GAD1: variants seen among roughly 807,000 people sequenced by gnomAD.
GAD1 encodes the protein glutamate decarboxylase 1.
Under a neutral mutation model 75.2 loss-of-function variants are expected in GAD1, and 35 were observed. That is an observed-to-expected ratio of 0.47 (90% CI 0.36 to 0.62). The LOEUF is 0.62. Among genes scored for constraint, GAD1 ranks in the 20% least tolerant of loss-of-function variants. The pLI, the probability that GAD1 is intolerant of heterozygous loss-of-function variation, is 0.00. For synonymous variants in GAD1, 257 were observed against 271.9 expected (o/e 0.95, Z 0.54); for missense variants, 490 against 758.5 (o/e 0.65, Z 4.16).
At chr2:170,813,974 A>C (rs2105740906), upstream of GAD1, among the ~76,000 whole-genome samples, 1 of 152,234 alleles carries the variant, frequency 6.6e-6, no homozygotes, top group East Asian at 1.9e-4. Context: ...CTTCAAATAC[A>C]ATCGAAACAG....
chr2:170,854,653 C>T lies in GAD1; in HGVS notation c.1413+631C>T, dbSNP rs1375117454. 2.0e-5 allele frequency among the ~76,000 whole-genome samples: 3 copies of T among 152,226 alleles called. No homozygotes were observed. In the East Asian group the frequency reaches 5.8e-4, roughly 29 times the overall value. On this transcript the variant is annotated intron_variant, in intron 14 of 16. Coordinates refer to ENST00000358196, the MANE Select transcript of GAD1 (RefSeq NM_000817.3). ...GTCTCCTGACCTCATGATCCGCCCA[C>T]CTCGGCCTCCCAAAGTGTTGGGATT...
At chr2:170,842,876 A>C (rs934235661) in intron 6 of GAD1, 16 of 673,334 alleles carry the variant, frequency 2.4e-5, no homozygotes, top group African/African-American at 3.7e-5. Flanking sequence ...GTAAAACAAT[A>C]GTTATCTCAT....
Position 170,853,667 on chromosome 2 carries a change from A to G in GAD1, c.1264-206A>G. The G allele has an allele frequency of 1.8e-6, 1 of 570,672 alleles. No homozygotes were observed. Among genetic ancestry groups the G allele is most frequent in the Non-Finnish European group, 3.2e-6 (1 of 315,198 alleles). The allele number at this position is 570,672 out of a possible 1,614,324, so 35.4% of individuals were successfully genotyped here. On this transcript the variant is annotated intron_variant, in intron 13 of 16. Coordinates refer to ENST00000358196, the MANE Select transcript of GAD1 (RefSeq NM_000817.3). The surrounding 1 kb of genome is among the most constrained non-coding windows in gnomAD (Gnocchi z 4.1). ...TCTGAGACGGAAAGATCATCTTCTAATCAGAGAGTCAGAGACAAAAGGGAT... is the reference window on the plus strand; with the variant it reads ...TCTGAGACGGAAAGATCATCTTCTAGTCAGAGAGTCAGAGACAAAAGGGAT...
chr2:170,848,871 G>C, intron 11 of GAD1: 3 of 496,358 alleles, frequency 6.0e-6, no homozygotes, highest in South Asian at 1.5e-5. Context: ...TGCTTTTTGA[G>C]TTTTTCAGGA....
intron 3 of GAD1, among the ~76,000 whole-genome samples, chr2:170,828,492 GC>G (rs1702101921): frequency 3.3e-5 from 4 of 121,746 alleles, no homozygotes; most frequent in African/African-American, 1.3e-4. Flanking sequence ...TCCTCCCTCT[GC>G]TGTCCTTGAT....
chr2:170,848,618 G>A (rs1182057774), intron 11 of GAD1: 1 of 489,146 alleles, frequency 2.0e-6, no homozygotes, highest in Admixed American at 2.2e-5. Context: ...GAACACAAAA[G>A]ATGCATTTTC....
chr2:170,820,279 G>A (rs868648875), intron 2 of GAD1, among the ~76,000 whole-genome samples: 9 of 152,318 alleles, frequency 5.9e-5, no homozygotes, highest in East Asian at 5.8e-4. Flanking sequence ...CCAAGTCACC[G>A]GTAGGAGACA....
chr2:170,828,368 C>A (rs1702093511), intron 3 of GAD1, among the ~76,000 whole-genome samples: 1 of 144,858 alleles, frequency 6.9e-6, no homozygotes, highest in Non-Finnish European at 1.5e-5. Context: ...CATCCCCTTC[C>A]CTCTGCTGTC....
intron 2 of GAD1, 57 bp from the exon 3 acceptor site, chr2:170,822,030 A>G (rs1701894351): frequency 1.4e-6 from 2 of 1,428,424 alleles, no homozygotes. Flanking sequence ...TCCTCCACCC[A>G]TTTCCCCGCG....
chr2:170,828,074 CTCTGCTGT>C (rs1702068101), intron 3 of GAD1, among the ~76,000 whole-genome samples: 1 of 30,518 alleles, frequency 3.3e-5, no homozygotes. Flanking sequence ...GCTGTCCTCC[CTCTGCTGT>C]CCTCACCCCT....
At position 170,818,952 on chromosome 2, in the gene GAD1, T is replaced by C. The variant is rs1390781761; in HGVS notation, c.82+279T>C. Among the ~76,000 whole-genome samples the C allele has an allele frequency of 1.3e-5, 2 of 152,050 alleles. No individual in the cohort carries two copies. The highest frequency in any genetic ancestry group is 2.9e-5 in the Non-Finnish European group (2 of 68,000). ...GGAGGGGCGCGCAGCCAGGGTGTTG[T>C]TTTTATTCTGTTGTGTGTGGTTTCT... is the stretch of plus-strand genomic sequence containing the variant. On this transcript the variant is annotated intron_variant, in intron 2 of 16. Coordinates refer to ENST00000358196, the MANE Select transcript of GAD1 (RefSeq NM_000817.3). The surrounding 1 kb of genome is among the most constrained non-coding windows in gnomAD (Gnocchi z 5.9).
At chr2:170,822,488 C>T (rs1303111159) in intron 3 of GAD1, among the ~76,000 whole-genome samples, 1 of 152,254 alleles carries the variant, frequency 6.6e-6, no homozygotes, top group African/African-American at 2.4e-5. Context: ...GCAGCTCCCA[C>T]CCGGTGCCGT....
chr2:170,849,106 T>C (rs1702698216), intron 11 of GAD1, 180 bp from the exon 12 acceptor site: 1 of 677,696 alleles, frequency 1.5e-6, no homozygotes, highest in Admixed American at 2.1e-5. Context: ...GAAAAAGAAA[T>C]GACAAGCAAT....
chr2:170,819,291 G>GAAATAAATAAATAAATAAAT lies in GAD1; in HGVS notation c.82+624_82+643dup, dbSNP rs3838553. 2.0e-4 allele frequency among the ~76,000 whole-genome samples: 30 copies of GAAATAAATAAATAAATAAAT among 149,776 alleles called. No homozygotes were observed. In the Middle Eastern group the frequency reaches 0.01, roughly 51 times the overall value. The stretch of plus-strand genomic sequence containing the variant: ...TTCATACAATTAATTACATCTCAGA[G>GAAATAAATAAATAAATAAAT]AAATAAATAAATAAATAAATAAATA... On this transcript the variant is annotated intron_variant, in intron 2 of 16. Coordinates refer to ENST00000358196, the MANE Select transcript of GAD1 (RefSeq NM_000817.3).
At chr2:170,849,247 C>T (rs755949817) in intron 11 of GAD1, 39 bp from the exon 12 acceptor site, 7 of 1,576,284 alleles carry the variant, frequency 4.4e-6, no homozygotes, top group South Asian at 1.1e-5. Context: ...TCTTAAATGT[C>T]ACTGCTCCCC....
chr2:170,842,675 C>T, intron 6 of GAD1: 1 of 1,613,538 alleles, frequency 6.2e-7, no homozygotes, highest in Non-Finnish European at 8.5e-7. Context: ...ACATGGTTTC[C>T]AAGGGTCTTC....
At chr2:170,856,443 G>A (rs984035277) in intron 14 of GAD1, among the ~76,000 whole-genome samples, 21 of 152,240 alleles carry the variant, frequency 1.4e-4, no homozygotes, top group Admixed American at 1.2e-3. Flanking sequence ...ACTTACTGCT[G>A]GGGAAGATGA....
At position 170,818,057 on chromosome 2, in the gene GAD1, C is replaced by A. The variant is rs538816333; in HGVS notation, c.-63-472C>A. ...AGACACAACAACGGGAACCAGACAC[C>A]GAACCAGACATGCCCGCCCCGTGCG... On this transcript the variant is annotated intron_variant, in intron 1 of 16. Transcript: ENST00000358196. This position sits in a 1 kb window ranked among gnomAD's most constrained non-coding sequence, Gnocchi z 5.9. 1.2e-5 allele frequency: 2 copies of A among 162,798 alleles called. No homozygotes were observed. The highest frequency in any genetic ancestry group is 3.4e-4 in the South Asian group (2 of 5,884). 10.1% of individuals were successfully genotyped at this position (162,798 alleles called of 1,614,324 possible).
At chr2:170,847,417 T>TTTTTTTTTTTTTTTTTTTTGTTTTTG (rs1289848083) in intron 10 of GAD1, among the ~76,000 whole-genome samples, 1 of 152,244 alleles carries the variant, frequency 6.6e-6, no homozygotes, top group African/African-American at 2.4e-5. Context: ...CAGAATTCTT[T>TTTTTTTTTTTTTTTTTTTTGTTTTTG]ATCTGTTGTG....
Sources: gnomAD v4.1 joint callset for allele counts (sites outside exome capture counted in the v4.1 genomes callset) on GRCh38, gnomAD v4.1.1 for gene constraint, Gnocchi (gnomAD v3.1) non-coding constraint, MANE v1.5 for transcripts, NCBI Gene and HGNC (gene_info 2026-07-23, HGNC 2026-07-21) for gene names.